Variants in DOCK11 observed in about 807,000 individuals in gnomAD.
DOCK11 encodes dedicator of cytokinesis protein 11.
A neutral mutation model predicts 169.1 loss-of-function variants in DOCK11; 70 were observed. The ratio of observed to expected loss-of-function variants is 0.41; its 90% CI spans 0.34 to 0.51. The LOEUF (loss-of-function observed/expected upper bound fraction) is 0.51. Ranked by LOEUF, DOCK11 falls within the 20% of genes least tolerant of loss-of-function variation. The pLI, the probability that DOCK11 is intolerant of heterozygous loss-of-function variation, is 0.10. For missense variants in DOCK11, 1,166 were observed against 1,538.8 expected, an observed-to-expected ratio of 0.76 and a Z score of 4.05; for synonymous variants, 529 against 541.3, an observed-to-expected ratio of 0.98 and a Z score of 0.32.
At chrX:118,658,457 GCCCCTCAAAGGTGACTGCACAGCAC>G (rs1431867861) in intron 44 of DOCK11, among the ~76,000 whole-genome samples, 2 of 112,246 alleles carry the variant, frequency 1.8e-5, no homozygotes, top group African/African-American at 6.5e-5. Context: ...AGGGGCCCTT[GCCCCTCAAAGGTGACTGCACAGCAC>G]CCACAAGGGA....
In DOCK11 at chrX:118,605,244, C is replaced by T; in HGVS notation, c.2569C>T (p.His857Tyr). ...GELIKYLKCL[H>Y]AMEIQVMIQF... ...AATAATGACTTAATTTTAGTGTTTG[C>T]ATGCCATGGAGATCCAAGTCATGAT... Residue 857 changes from histidine (H) to tyrosine (Y), a missense_variant, in exon 24 of 53, where the codon CAT becomes TAT. His to Tyr is a moderately conservative substitution (Grantham distance 83). Coordinates refer to ENST00000276202, the MANE Select transcript of DOCK11 (RefSeq NM_144658.4). The T allele has an allele frequency of 8.6e-7, 1 of 1,158,424 alleles. No individual in the cohort carries two copies.
At chrX:118,525,395 C>T (rs941134172) in intron 1 of DOCK11, among the ~76,000 whole-genome samples, 1 of 111,417 alleles carries the variant, frequency 9.0e-6, no homozygotes, top group Non-Finnish European at 1.9e-5. Context: ...AGCTTGAGGA[C>T]ATTATACTAA....
intron 6 of DOCK11, among the ~76,000 whole-genome samples, chrX:118,556,185 C>A (rs751782493): frequency 4.6e-5 from 5 of 108,128 alleles, no homozygotes; most frequent in African/African-American, 1.7e-4. Context: ...GCTGGGATTA[C>A]AGGTGTGCAC....
intron 20 of DOCK11, 28 bp downstream of exon 20, chrX:118,593,365 C>G: frequency 2.6e-6 from 3 of 1,173,486 alleles, no homozygotes; most frequent in Non-Finnish European, 3.4e-6. Context: ...ATGTCTCTCT[C>G]TACAGTTATT....
chrX:118,654,206 G>T (rs1351808725), intron 42 of DOCK11, among the ~76,000 whole-genome samples: 10 of 112,181 alleles, frequency 8.9e-5, no homozygotes, highest in Non-Finnish European at 1.9e-5. Context: ...TAGGGTTGTC[G>T]TAAAAATTAA....
chrX:118,528,010 G>GT (rs985897875), intron 1 of DOCK11, among the ~76,000 whole-genome samples: 12 of 112,890 alleles, frequency 1.1e-4, no homozygotes, highest in African/African-American at 3.9e-4. Flanking sequence ...TTATATACAT[G>GT]TTGTTGGCAT....
chrX:118,667,682 A>G (rs1324997397), intron 45 of DOCK11, among the ~76,000 whole-genome samples: 1 of 111,142 alleles, frequency 9.0e-6, no homozygotes, highest in Admixed American at 9.7e-5. Context: ...TGGCTATTCT[A>G]CGTCCTTTGA....
intron 35 of DOCK11, among the ~76,000 whole-genome samples, chrX:118,631,440 C>T (rs1157669043): frequency 1.8e-5 from 2 of 110,910 alleles, no homozygotes; most frequent in Non-Finnish European, 3.8e-5. Context: ...TAGGAATGTA[C>T]GATTTAGCAT....
intron 1 of DOCK11, among the ~76,000 whole-genome samples, chrX:118,511,772 A>G (rs1489952206): frequency 9.0e-6 from 1 of 111,517 alleles, no homozygotes; most frequent in Non-Finnish European, 1.9e-5. Flanking sequence ...AGAGAGAGAA[A>G]GTTGTGCTGA....
At chrX:118,539,805 C>G (rs1478543699) in intron 1 of DOCK11, among the ~76,000 whole-genome samples, 2 of 109,503 alleles carry the variant, frequency 1.8e-5, no homozygotes, top group Non-Finnish European at 3.8e-5. Context: ...AATTCCAGTA[C>G]TTTGGGAGGT....
intron 20 of DOCK11, among the ~76,000 whole-genome samples, chrX:118,595,721 A>C (rs2147434459): frequency 8.9e-6 from 1 of 112,170 alleles, no homozygotes; most frequent in African/African-American, 3.2e-5. Flanking sequence ...TGCATTCTTT[A>C]AGTGGCTTCC....
chrX:118,517,394 AAAAT>A, intron 1 of DOCK11, among the ~76,000 whole-genome samples: 1 of 107,867 alleles, frequency 9.3e-6, no homozygotes, highest in East Asian at 2.9e-4. Flanking sequence ...AAAAAAAAGA[AAAAT>A]AAAATAAATA....
Position 118,542,787 on chromosome X carries a change from G to T in DOCK11, c.165G>T (p.Gln55His). Residue 55 changes from glutamine (Q) to histidine (H), a missense_variant, in exon 2 of 53, where the codon CAG becomes CAT. Physicochemically the swap from Gln to His is conservative, Grantham distance 24 (BLOSUM62 0). Coordinates refer to ENST00000276202, the MANE Select transcript of DOCK11 (RefSeq NM_144658.4). The part of the protein sequence containing the change: ...YENVIAQRKT[Q>H]IYSDPLRDLL... The stretch of plus-strand genomic sequence containing the variant: ...ATGTTATTGCCCAAAGAAAAACCCA[G>T]ATTTACAGCGACCCCCTCCGAGATC... 1 of 1,210,358 alleles carries T rather than the reference G, an allele frequency of 8.3e-7. No individual in the cohort carries two copies. Among genetic ancestry groups the T allele is most frequent in the East Asian group, 3.0e-5 (1 of 33,832 alleles).
rs1269373292 is a variant in DOCK11 at position 118,516,018 on chromosome X, T to TATATATATATATATATATATATATATAC, written c.102+19946_102+19947insTATATATATATATATATATATATATACA. On this transcript the variant is annotated intron_variant, in intron 1 of 52. Coordinates refer to ENST00000276202, the MANE Select transcript of DOCK11 (RefSeq NM_144658.4). ...GGATTTGGGCAAATATATATATATA[T>TATATATATATATATATATATATATATAC]ACATTCTTACACCAGAAAACTGTGC... Among the ~76,000 whole-genome samples the TATATATATATATATATATATATATATAC allele has an allele frequency of 1.4e-3, 113 of 81,421 alleles. 1 individual carries two copies. Among genetic ancestry groups the TATATATATATATATATATATATATATAC allele is most frequent in the Non-Finnish European group, 2.5e-3 (107 of 43,529 alleles). 70.7% of individuals were successfully genotyped at this position (81,421 alleles called of 115,157 possible). A position where few individuals can be genotyped will look rare whatever the true frequency, so the allele number is the denominator to read the frequency against.
intron 1 of DOCK11, among the ~76,000 whole-genome samples, chrX:118,530,384 A>C (rs1460760809): frequency 5.3e-5 from 6 of 112,696 alleles, no homozygotes; most frequent in African/African-American, 1.9e-4. Context: ...TCAGTGGATA[A>C]ATGTGAGTAA....
chrX:118,620,830 T>C, intron 31 of DOCK11, among the ~76,000 whole-genome samples: 1 of 112,307 alleles, frequency 8.9e-6, no homozygotes, highest in African/African-American at 3.2e-5. Flanking sequence ...TCTTTAGCCA[T>C]GATTTTAAAT....
At position 118,630,958 on chromosome X, in the gene DOCK11, T is replaced by C. The variant is rs2015224096; in HGVS notation, c.3886+468T>C. Among the ~76,000 whole-genome samples, 3 of 111,806 alleles carry C rather than the reference T, an allele frequency of 2.7e-5. No homozygotes were observed. In the Admixed American group the frequency reaches 2.9e-4, roughly 11 times the overall value. The stretch of plus-strand genomic sequence containing the variant: ...TCTTTGCAGCAACACTGTATGATAT[T>C]GTCTGGTATCGCGTTCTTTGTCGGG... On this transcript the variant is annotated intron_variant, in intron 35 of 52. Coordinates refer to ENST00000276202, the MANE Select transcript of DOCK11 (RefSeq NM_144658.4).
At chrX:118,515,000 C>T (rs1340369263) in intron 1 of DOCK11, among the ~76,000 whole-genome samples, 1 of 111,892 alleles carries the variant, frequency 8.9e-6, no homozygotes, top group Non-Finnish European at 1.9e-5. Context: ...CTCACTCCTT[C>T]AGGAGATTTT....
At chrX:118,655,681 A>C (rs1330810403) in intron 44 of DOCK11, among the ~76,000 whole-genome samples, 2 of 111,860 alleles carry the variant, frequency 1.8e-5, no homozygotes, top group African/African-American at 3.2e-5. Context: ...TGTTGAACAA[A>C]CTGCATCTGC....
Sources: allele counts gnomAD v4.1 joint callset (sites outside exome capture counted in the v4.1 genomes callset), GRCh38; gene constraint gnomAD v4.1.1; transcripts MANE v1.5; gene names NCBI Gene and HGNC (gene_info 2026-07-23, HGNC 2026-07-21).